RGPD2: variants seen among roughly 807,000 people sequenced by gnomAD.
RGPD2 encodes RANBP2 like and GRIP domain containing 2.
RGPD2 carries 2 observed loss-of-function variants against 36.0 expected under a neutral mutation model. The observed-to-expected ratio is 0.06, with a 90% CI of 0.02 to 0.17. The LOEUF (loss-of-function observed/expected upper bound fraction) is 0.17. Ranked by LOEUF, RGPD2 falls within the 10% of genes least tolerant of loss-of-function variation. RGPD2 has a pLI of 1.00. For synonymous variants in RGPD2, 19 were observed against 163.8 expected (o/e 0.12, Z 6.75); for missense variants, 40 against 464.3 (o/e 0.09, Z 8.40).
intron 21 of RGPD2, among the ~76,000 whole-genome samples, chr2:87,772,671 T>C (rs541079955): frequency 9.5e-5 from 5 of 52,568 alleles, no homozygotes; most frequent in South Asian, 1.2e-3. Flanking sequence ...TATGACTCCA[T>C]TGTCCTAAGC....
the RGPD2 span, among the ~76,000 whole-genome samples, chr2:87,943,182 G>GT: frequency 2.0e-5 from 2 of 99,626 alleles, no homozygotes; most frequent in Non-Finnish European, 2.0e-5. Context: ...CGTCCATACT[G>GT]TTTTCAATAA....
the RGPD2 span, among the ~76,000 whole-genome samples, chr2:87,855,363 T>G: frequency 6.7e-6 from 1 of 150,364 alleles, no homozygotes; most frequent in African/African-American, 2.5e-5. Flanking sequence ...GATTGAGAGC[T>G]CCTGTTGCTC....
At chr2:87,822,142 A>G (rs1322371826) in intron 1 of RGPD2, among the ~76,000 whole-genome samples, 1 of 152,218 alleles carries the variant, frequency 6.6e-6, no homozygotes, top group Non-Finnish European at 1.5e-5. Context: ...TATACAGGAC[A>G]ATGAGGAAAA....
intron 1 of RGPD2, chr2:87,825,189 A>G (rs1354396449): frequency 2.0e-5 from 8 of 391,800 alleles, no homozygotes; most frequent in Non-Finnish European, 3.6e-5. Flanking sequence ...TTCCCCCTCT[A>G]TTGATCCCCA....
the RGPD2 span, among the ~76,000 whole-genome samples, chr2:87,916,684 C>G: frequency 6.6e-6 from 1 of 151,908 alleles, no homozygotes; most frequent in African/African-American, 2.4e-5. Context: ...CGAAGTGGCT[C>G]ACTCCCTTTA....
At chr2:87,988,688 G>A in the RGPD2 span, among the ~76,000 whole-genome samples, 1 of 151,196 alleles carries the variant, frequency 6.6e-6, no homozygotes, top group African/African-American at 2.4e-5. Flanking sequence ...TTACAGAAGT[G>A]CACCACCACA....
chr2:87,897,650 C>T, the RGPD2 span, among the ~76,000 whole-genome samples: 2 of 151,264 alleles, frequency 1.3e-5, no homozygotes, highest in East Asian at 2.0e-4. Context: ...AACTGGCCCC[C>T]GTGTGTGGTG....
the RGPD2 span, among the ~76,000 whole-genome samples, chr2:87,835,142 G>GA: frequency 8.4e-5 from 12 of 143,486 alleles, no homozygotes; most frequent in Admixed American, 2.1e-4. Flanking sequence ...AAAGCTTTTA[G>GA]AAAAAATTGT....
the RGPD2 span, among the ~76,000 whole-genome samples, chr2:87,872,798 C>T: frequency 3.3e-5 from 5 of 151,250 alleles, no homozygotes; most frequent in East Asian, 5.8e-4. Context: ...CTTCCTCTGT[C>T]GCCCAGGCTG....
chr2:87,881,263 C>T, the RGPD2 span, among the ~76,000 whole-genome samples: 4 of 152,064 alleles, frequency 2.6e-5, no homozygotes, highest in African/African-American at 9.6e-5. Context: ...GGATCTACCA[C>T]TCTGGGGGCC....
intron 21 of RGPD2, among the ~76,000 whole-genome samples, chr2:87,773,750 CTAGT>C (rs1188111318): frequency 2.0e-4 from 1 of 5,126 alleles, no homozygotes; most frequent in African/African-American, 6.6e-4. Flanking sequence ...GTTTACTGGG[CTAGT>C]TAGTGATTTG....
the RGPD2 span, among the ~76,000 whole-genome samples, chr2:87,846,623 T>C: frequency 6.6e-6 from 1 of 152,176 alleles, no homozygotes; most frequent in East Asian, 1.9e-4. Context: ...GCTATGAGCA[T>C]ACGTGCAAAA....
the RGPD2 span, among the ~76,000 whole-genome samples, chr2:87,860,181 T>C: frequency 6.6e-6 from 1 of 152,092 alleles, no homozygotes; most frequent in Non-Finnish European, 1.5e-5. Flanking sequence ...CAAGCTGTTT[T>C]ACAAACAGGA....
chr2:87,878,852 G>A, the RGPD2 span, among the ~76,000 whole-genome samples: 84 of 152,210 alleles, frequency 5.5e-4, 1 homozygote, highest in African/African-American at 1.3e-3. Flanking sequence ...CTTTGTGGCC[G>A]GCTTATTTCA....
At chr2:87,857,155 A>G in the RGPD2 span, among the ~76,000 whole-genome samples, 1 of 152,250 alleles carries the variant, frequency 6.6e-6, no homozygotes, top group African/African-American at 2.4e-5. Flanking sequence ...TGAACTCCCT[A>G]CAAAAATGTG....
the RGPD2 span, among the ~76,000 whole-genome samples, chr2:87,911,914 T>TA: frequency 6.6e-6 from 1 of 151,340 alleles, no homozygotes; most frequent in African/African-American, 2.4e-5. Flanking sequence ...ATGGTGCAGT[T>TA]AGGCCAAGTT....
the RGPD2 span, among the ~76,000 whole-genome samples, chr2:87,886,790 T>G: frequency 6.8e-4 from 104 of 151,880 alleles, 2 homozygotes; most frequent in Middle Eastern, 0.014. Flanking sequence ...TTGGCACAAA[T>G]TATAGCACAA....
At chr2:87,986,662 C>A in the RGPD2 span, among the ~76,000 whole-genome samples, 1 of 151,478 alleles carries the variant, frequency 6.6e-6, no homozygotes, top group African/African-American at 2.4e-5. Context: ...GGTGGATCAC[C>A]TGAGGTCAGG....
the RGPD2 span, among the ~76,000 whole-genome samples, chr2:87,913,398 T>C: frequency 0.011 from 1,593 of 151,140 alleles, 15 homozygotes; most frequent in Non-Finnish European, 0.015. Flanking sequence ...TGTTGTGGGG[T>C]TGGGGAAGGG....
Sources: gnomAD v4.1 joint callset for allele counts (sites outside exome capture counted in the v4.1 genomes callset) on GRCh38, gnomAD v4.1.1 for gene constraint, MANE v1.5 for transcripts, NCBI Gene and HGNC (gene_info 2026-07-23, HGNC 2026-07-21) for gene names.